CREB3L3: variants seen among roughly 807,000 people sequenced by gnomAD.
The protein encoded by CREB3L3 is cAMP responsive element binding protein 3 like 3.
CREB3L3 carries 40 observed loss-of-function variants against 44.6 expected under a neutral mutation model. The ratio of observed to expected loss-of-function variants is 0.90; its 90% CI spans 0.70 to 1.17. The LOEUF is 1.17. CREB3L3 is among the 50% of genes most tolerant of loss of function. The pLI is 0.00. For missense variants in CREB3L3, 578 were observed against 595.8 expected (o/e 0.97, Z 0.31); for synonymous variants, 273 against 256.3 (o/e 1.06, Z -0.62).
chr19:4,166,820 G>C (rs1391263718), intron 5 of CREB3L3, among the ~76,000 whole-genome samples: 2 of 152,072 alleles, frequency 1.3e-5, no homozygotes, highest in African/African-American at 4.8e-5. Flanking sequence ...CTGGTCTCAA[G>C]GGATCCTCCT....
chr19:4,170,611 C>G lies in CREB3L3; in HGVS notation c.890+403C>G, dbSNP rs371397741. On this transcript the variant is annotated intron_variant, in intron 7 of 9. Coordinates refer to ENST00000078445, the MANE Select transcript of CREB3L3 (RefSeq NM_032607.3). ...TGGGTGACAGAGCAAGGCTCTGTCT[C>G]AAAAATAAATAAATAAGGCCTGGTG... Among the ~76,000 whole-genome samples, 224 of 147,258 alleles carry G rather than the reference C, an allele frequency of 1.5e-3. 3 individuals are homozygous for G. The South Asian group carries it at 0.048, about 31-fold the overall frequency.
intron 4 of CREB3L3, among the ~76,000 whole-genome samples, chr19:4,162,543 G>A (rs900678389): frequency 7.4e-6 from 1 of 135,644 alleles, no homozygotes; most frequent in Non-Finnish European, 1.6e-5. Context: ...AATTAGCTGA[G>A]TGTGGTGGCG....
chr19:4,159,874 A>G (rs2041636674), intron 4 of CREB3L3, 92 bp downstream of exon 4: 2 of 760,352 alleles, frequency 2.6e-6, no homozygotes, highest in Admixed American at 3.5e-5. Context: ...AGAGACTGGA[A>G]AACTGAGTCA....
Position 4,171,030 on chromosome 19 carries a change from T to C in CREB3L3, c.891-61T>C, listed in dbSNP as rs1967033555. 3 of 1,352,298 alleles carry C rather than the reference T, an allele frequency of 2.2e-6. No individual in the cohort carries two copies. In the South Asian group the frequency reaches 3.5e-5, roughly 16 times the overall value. The allele number at this position is 1,352,298 out of a possible 1,614,324, so 83.8% of individuals were successfully genotyped here. On this transcript the variant is annotated intron_variant, in intron 7 of 9. Transcript: ENST00000078445. The surrounding 1 kb of genome is among the most constrained non-coding windows in gnomAD (Gnocchi z 4.9). ...TAGCGGGGCTGGGGGACCCCGGAAA[T>C]GGACGAGAAGCAGAACCGAGGCCCT...
At chr19:4,161,479 A>G (rs978038674) in intron 4 of CREB3L3, among the ~76,000 whole-genome samples, 20 of 152,152 alleles carry the variant, frequency 1.3e-4, no homozygotes, top group Non-Finnish European at 1.5e-5. Flanking sequence ...TCATTTGCCC[A>G]ATGCTACACA....
chr19:4,167,216 A>G (rs934841956), intron 5 of CREB3L3, among the ~76,000 whole-genome samples: 3 of 151,790 alleles, frequency 2.0e-5, no homozygotes, highest in Non-Finnish European at 4.4e-5. Context: ...GGTGTTGTGC[A>G]CCTGTAATCC....
intron 5 of CREB3L3, among the ~76,000 whole-genome samples, chr19:4,165,382 C>T (rs898286783): frequency 6.6e-6 from 1 of 150,588 alleles, no homozygotes; most frequent in African/African-American, 2.4e-5. Flanking sequence ...GTTATGTTGC[C>T]CAGGCTGGGC....
chr19:4,166,969 C>T (rs1022708308), intron 5 of CREB3L3, among the ~76,000 whole-genome samples: 7 of 152,028 alleles, frequency 4.6e-5, no homozygotes, highest in East Asian at 2.0e-4. Context: ...TGGACTTATG[C>T]GATCCTCTTG....
At chr19:4,153,908 A>G in intron 1 of CREB3L3, 134 bp downstream of exon 1, 1 of 1,072,094 alleles carries the variant, frequency 9.3e-7, no homozygotes, top group Non-Finnish European at 1.4e-6. Flanking sequence ...GAAAGGATGC[A>G]ATGAGCAAAA....
chr19:4,168,535 C>A, intron 6 of CREB3L3, 78 bp downstream of exon 6: 1 of 1,166,052 alleles, frequency 8.6e-7, no homozygotes, highest in Non-Finnish European at 1.2e-6. Context: ...GCTAAGGCCA[C>A]ACAGCTTAGA....
At chr19:4,167,627 A>G (rs1302771506) in intron 5 of CREB3L3, among the ~76,000 whole-genome samples, 2 of 152,116 alleles carry the variant, frequency 1.3e-5, no homozygotes. Context: ...TTAGTCTTAA[A>G]ACACTTGCTG....
At chr19:4,162,296 G>C (rs2041671157) in intron 4 of CREB3L3, among the ~76,000 whole-genome samples, 1 of 151,916 alleles carries the variant, frequency 6.6e-6, no homozygotes, top group Non-Finnish European at 1.5e-5. Flanking sequence ...ATGAGCCACT[G>C]TGCCTGGCCT....
At chr19:4,155,821 C>T (rs1386856859) in intron 2 of CREB3L3, among the ~76,000 whole-genome samples, 2 of 144,956 alleles carry the variant, frequency 1.4e-5, no homozygotes, top group African/African-American at 2.6e-5. Context: ...GATCTTGGCT[C>T]ACTGCAACCT....
chr19:4,157,564 C>T (rs1385282087), intron 3 of CREB3L3, among the ~76,000 whole-genome samples: 1 of 152,238 alleles, frequency 6.6e-6, no homozygotes, highest in African/African-American at 2.4e-5. Flanking sequence ...AGCTAGGATG[C>T]AACCCCGGCA....
intron 3 of CREB3L3, among the ~76,000 whole-genome samples, chr19:4,157,763 G>GCAACCT (rs1172293335): frequency 2.6e-5 from 4 of 152,038 alleles, no homozygotes; most frequent in African/African-American, 7.2e-5. Flanking sequence ...TCGGCTCACT[G>GCAACCT]CAACCTCTGC....
At chr19:4,156,171 TCCTC>T (rs763314385) in intron 2 of CREB3L3, among the ~76,000 whole-genome samples, 20,032 of 82,644 alleles carry the variant, frequency 0.24, 2,244 homozygotes, top group East Asian at 0.46. Context: ...CTTCCTCCCT[TCCTC>T]CCTTCCTTCC....
rs546223898 is a variant in CREB3L3 at position 4,164,684 on chromosome 19, G to A, written c.714+44G>A. ...CCAGCCCTGGATCCATCTCCCCTTC[G>A]TGCACTTACCTGCATGTGTGTCCCA... On this transcript the variant is annotated intron_variant, in intron 5 of 9. Coordinates refer to ENST00000078445, the MANE Select transcript of CREB3L3 (RefSeq NM_032607.3). 1.1e-5 allele frequency: 18 copies of A among 1,608,438 alleles called. No homozygotes were observed. In the African/African-American group the frequency reaches 1.2e-4, roughly 11 times the overall value.
rs201675524 is a variant in CREB3L3, at chr19:4,153,716, C to G, written c.-32C>G. 6.2e-7 allele frequency: 1 copy of G among 1,613,810 alleles called. No homozygotes were observed. The highest frequency in any genetic ancestry group is 1.7e-5 in the Admixed American group (1 of 59,934). On this transcript the variant is annotated 5_prime_UTR_variant, in exon 1 of 10. Transcript: ENST00000078445. ...CCTCCAGCTTGGAGCAGAGACCCCCCGAGGCATCTGCAGACAGAACTGGAT... is the reference window on the plus strand; with the variant it reads ...CCTCCAGCTTGGAGCAGAGACCCCCGGAGGCATCTGCAGACAGAACTGGAT...
At chr19:4,159,893 C>T (rs990484443) in intron 4 of CREB3L3, 111 bp downstream of exon 4, 16 of 721,020 alleles carry the variant, frequency 2.2e-5, no homozygotes, top group African/African-American at 1.6e-4. Flanking sequence ...CACAGAAAGG[C>T]GTGGAATTTG....
Sources: allele counts gnomAD v4.1 joint callset (sites outside exome capture counted in the v4.1 genomes callset), GRCh38; gene constraint gnomAD v4.1.1; non-coding constraint Gnocchi (gnomAD v3.1); transcripts MANE v1.5; gene names NCBI Gene and HGNC (gene_info 2026-07-23, HGNC 2026-07-21).